Variants in FGD4 observed in about 807,000 individuals in gnomAD.
The protein encoded by FGD4 is FYVE, RhoGEF and PH domain-containing protein 4.
In FGD4, 42 loss-of-function variants were observed where a neutral mutation model predicts 102.0. The ratio of observed to expected loss-of-function variants is 0.41; its 90% CI spans 0.32 to 0.53. The LOEUF (loss-of-function observed/expected upper bound fraction) is 0.53. Ranked by LOEUF, FGD4 falls within the 20% of genes least tolerant of loss-of-function variation. The probability of loss-of-function intolerance (pLI) is 0.21; values close to 1 mark genes in which losing one functional copy is unlikely to be tolerated. For synonymous variants in FGD4, 380 were observed against 375.7 expected, an observed-to-expected ratio of 1.01 and a Z score of -0.13; for missense variants, 902 against 1,078.2, an observed-to-expected ratio of 0.84 and a Z score of 2.29.
intron 1 of FGD4, among the ~76,000 whole-genome samples, chr12:32,517,519 T>G (rs1940018755): frequency 6.6e-6 from 1 of 152,316 alleles, no homozygotes; most frequent in African/African-American, 2.4e-5. Context: ...TAATGAAATT[T>G]TCAGTATCAT....
chr12:32,400,885 A>ATT (rs1239313968), intron 1 of FGD4, among the ~76,000 whole-genome samples: 11 of 102,482 alleles, frequency 1.1e-4, no homozygotes, highest in African/African-American at 5.7e-4. Context: ...AGAGCTTTTA[A>ATT]ATTCCCTTTT....
intron 4 of FGD4, among the ~76,000 whole-genome samples, chr12:32,591,132 T>C (rs778956444): frequency 2.6e-5 from 4 of 152,182 alleles, no homozygotes; most frequent in Non-Finnish European, 4.4e-5. Context: ...CACAGAGATG[T>C]ATGTACCTGT....
chr12:32,541,815 A>T (rs1322989629), intron 1 of FGD4, among the ~76,000 whole-genome samples: 3 of 152,202 alleles, frequency 2.0e-5, no homozygotes, highest in Non-Finnish European at 4.4e-5. Context: ...ATCTATATCT[A>T]TGCCTAAGAG....
At chr12:32,569,101 CAT>C (rs1429906133) in intron 2 of FGD4, among the ~76,000 whole-genome samples, 4 of 152,132 alleles carry the variant, frequency 2.6e-5, no homozygotes, top group Non-Finnish European at 4.4e-5. Flanking sequence ...CTCTTTCTCT[CAT>C]ATGTCTAATT....
chr12:32,429,473 G>C (rs538232367), intron 1 of FGD4, among the ~76,000 whole-genome samples: 2 of 152,232 alleles, frequency 1.3e-5, no homozygotes, highest in African/African-American at 4.8e-5. Context: ...ACCCCTGCTG[G>C]GAGGTATCTC....
At chr12:32,640,181 G>C in intron 16 of FGD4, 95 bp from the exon 17 acceptor site, 1 of 1,591,300 alleles carries the variant, frequency 6.3e-7, no homozygotes, top group Non-Finnish European at 8.6e-7. Context: ...AGTCTGTTTG[G>C]GACAGTGGTA....
In FGD4 at chr12:32,607,948, T is replaced by C. The variant is rs778434461; in HGVS notation, c.1405-9T>C. 6.2e-7 allele frequency: 1 copy of C among 1,614,228 alleles called. No individual in the cohort carries two copies. The highest frequency in any genetic ancestry group is 2.2e-5 in the East Asian group (1 of 44,892). On this transcript the variant is annotated splice_polypyrimidine_tract_variant and intron_variant, in intron 7 of 16. Coordinates refer to ENST00000534526, the MANE Select transcript of FGD4 (RefSeq NM_001370298.3). ...TTAAATGTTTCTTAGAAAACCTTTC[T>C]CATTACAGAAACAGAAAATCTGTGG... is the stretch of plus-strand genomic sequence containing the variant.
intron 1 of FGD4, among the ~76,000 whole-genome samples, chr12:32,492,430 A>G (rs1029051675): frequency 2.6e-5 from 4 of 152,228 alleles, no homozygotes; most frequent in Admixed American, 1.3e-4. Context: ...GTGTCACACA[A>G]TAACTTTCAG....
intron 11 of FGD4, 141 bp from the exon 12 acceptor site, chr12:32,624,281 A>G: frequency 1.5e-6 from 1 of 678,896 alleles, no homozygotes. Flanking sequence ...TTTAATTGCC[A>G]GAGATTAATT....
intron 1 of FGD4, among the ~76,000 whole-genome samples, chr12:32,440,121 A>T (rs1392899355): frequency 6.6e-6 from 1 of 152,140 alleles, no homozygotes; most frequent in Admixed American, 6.5e-5. Context: ...AAGGTCACAT[A>T]TCTCTGTTTT....
intron 2 of FGD4, among the ~76,000 whole-genome samples, chr12:32,568,382 A>G (rs1281084482): frequency 6.6e-6 from 1 of 152,198 alleles, no homozygotes; most frequent in Non-Finnish European, 1.5e-5. Flanking sequence ...ACAATGGCTT[A>G]TTCACTTCAT....
chr12:32,609,227 ACT>A (rs1948984103), intron 8 of FGD4, among the ~76,000 whole-genome samples: 2 of 152,054 alleles, frequency 1.3e-5, no homozygotes, highest in African/African-American at 2.4e-5. Flanking sequence ...CATTTGAGTG[ACT>A]CTGACCACAG....
chr12:32,438,153 A>C (rs1057288326), intron 1 of FGD4, among the ~76,000 whole-genome samples: 8 of 152,208 alleles, frequency 5.3e-5, no homozygotes, highest in Non-Finnish European at 1.2e-4. Context: ...GGGCCTCCCA[A>C]AGTGCTGGGA....
chr12:32,624,449 C>T lies in FGD4; in HGVS notation c.1950C>T (p.Ile650=), dbSNP rs1299418813. ...CTGCGCAAGACAAAGAAGAATGGATCAAGGTAAGCCTCATTTCTGTTTCCT... is the reference window on the plus strand; with the variant it reads ...CTGCGCAAGACAAAGAAGAATGGATTAAGGTAAGCCTCATTTCTGTTTCCT... ...ASSAQDKEEW[I]KALQETIDAF... The change falls in exon 12 of 17, where the codon ATC becomes ATT. Residue 650 remains isoleucine (I), a synonymous_variant. Coordinates refer to ENST00000534526, the MANE Select transcript of FGD4 (RefSeq NM_001370298.3). The T allele has an allele frequency of 1.3e-6, 2 of 1,599,608 alleles. No homozygotes were observed. The highest frequency in any genetic ancestry group is 3.4e-5 in the Admixed American group (2 of 59,496).
chr12:32,468,136 G>A (rs1943317371), intron 1 of FGD4, among the ~76,000 whole-genome samples: 2 of 151,948 alleles, frequency 1.3e-5, no homozygotes, highest in Non-Finnish European at 2.9e-5. Context: ...TCAAACTCTT[G>A]GACTCAAGCA....
At chr12:32,424,441 G>C (rs1348460092) in intron 1 of FGD4, among the ~76,000 whole-genome samples, 2 of 152,146 alleles carry the variant, frequency 1.3e-5, no homozygotes, top group Admixed American at 1.3e-4. Context: ...TGGTGTATAT[G>C]TGTCACATTT....
At chr12:32,616,685 C>G (rs970410527) in intron 10 of FGD4, among the ~76,000 whole-genome samples, 1 of 152,184 alleles carries the variant, frequency 6.6e-6, no homozygotes, top group Non-Finnish European at 1.5e-5. Context: ...ATACATTTGT[C>G]TGGAAAACCA....
At chr12:32,606,375 A>C (rs1948780737) in intron 7 of FGD4, among the ~76,000 whole-genome samples, 1 of 152,020 alleles carries the variant, frequency 6.6e-6, no homozygotes, top group South Asian at 2.1e-4. Context: ...CATGCACAAA[A>C]ATCTACATTA....
intron 2 of FGD4, among the ~76,000 whole-genome samples, chr12:32,567,145 A>G (rs1945252870): frequency 6.6e-6 from 1 of 152,172 alleles, no homozygotes; most frequent in South Asian, 2.1e-4. Flanking sequence ...GCACCATCCT[A>G]TAAAATCCCC....
Sources: gnomAD v4.1 joint callset for allele counts (sites outside exome capture counted in the v4.1 genomes callset) on GRCh38, gnomAD v4.1.1 for gene constraint, MANE v1.5 for transcripts, NCBI Gene and HGNC (gene_info 2026-07-23, HGNC 2026-07-21) for gene names.